The following PRKCE variants were observed in gnomAD, a reference collection of about 807,000 sequenced individuals.
PRKCE encodes protein kinase C epsilon type.
A neutral mutation model predicts 85.4 loss-of-function variants in PRKCE; 16 were observed. The ratio of observed to expected loss-of-function variants is 0.19; its 90% CI spans 0.13 to 0.28. PRKCE has a LOEUF of 0.28. PRKCE is among the 10% of genes least tolerant of loss of function. The pLI is 1.00. For synonymous variants in PRKCE, 388 were observed against 371.5 expected (o/e 1.04, Z -0.51); for missense variants, 573 against 975.2 (o/e 0.59, Z 5.49).
chr2:45,943,719 C>T (rs542278641), intron 2 of PRKCE, among the ~76,000 whole-genome samples: 7 of 152,320 alleles, frequency 4.6e-5, no homozygotes, highest in Non-Finnish European at 1.0e-4. Context: ...CTAAGTTACA[C>T]GTCTTAGCAG....
At chr2:46,080,736 G>A (rs1668992420) in intron 10 of PRKCE, among the ~76,000 whole-genome samples, 1 of 152,144 alleles carries the variant, frequency 6.6e-6, no homozygotes. Context: ...GGATTGCTAG[G>A]AAGAATAAGT....
At chr2:45,975,421 G>A (rs1702381816) in intron 2 of PRKCE, among the ~76,000 whole-genome samples, 1 of 151,884 alleles carries the variant, frequency 6.6e-6, no homozygotes, top group South Asian at 2.1e-4. Context: ...AGTATGGGTG[G>A]GATCTGCTGA....
At chr2:45,897,040 C>T (rs1329257631) in intron 2 of PRKCE, among the ~76,000 whole-genome samples, 1 of 152,098 alleles carries the variant, frequency 6.6e-6, no homozygotes, top group South Asian at 2.1e-4. Context: ...AGTGTGCCAC[C>T]ACACTCCAGC....
chr2:45,830,278 A>G (rs1019860375), intron 1 of PRKCE, among the ~76,000 whole-genome samples: 6 of 132,682 alleles, frequency 4.5e-5, no homozygotes, highest in African/African-American at 1.9e-4. Context: ...TGCTGCATTC[A>G]TAAACAAAAA....
intron 6 of PRKCE, among the ~76,000 whole-genome samples, chr2:45,991,964 A>C (rs1190369573): frequency 6.6e-6 from 1 of 152,218 alleles, no homozygotes; most frequent in African/African-American, 2.4e-5. Flanking sequence ...TAGAGTTAGA[A>C]TAACTGAAAA....
chr2:45,686,418 G>A (rs1211244639), intron 1 of PRKCE: 4 of 152,050 alleles, frequency 2.6e-5, no homozygotes, highest in African/African-American at 9.7e-5. Flanking sequence ...TGATGCACTT[G>A]GACAAAAGAG....
intron 11 of PRKCE, among the ~76,000 whole-genome samples, chr2:46,096,369 G>A (rs1670679678): frequency 6.6e-6 from 1 of 152,214 alleles, no homozygotes; most frequent in Non-Finnish European, 1.5e-5. Flanking sequence ...TCTGGAGTCA[G>A]AAAGTGAATG....
chr2:45,865,076 A>G (rs1055346516), intron 2 of PRKCE, among the ~76,000 whole-genome samples: 1 of 152,230 alleles, frequency 6.6e-6, no homozygotes, highest in Non-Finnish European at 1.5e-5. Context: ...TATTGTCCAT[A>G]TAAGTTACCT....
At chr2:45,700,704 C>G (rs966803097) in intron 1 of PRKCE, 2 of 152,150 alleles carry the variant, frequency 1.3e-5, no homozygotes, top group Admixed American at 1.3e-4. Flanking sequence ...TCTTAATCCC[C>G]CCGTACTTCA....
chr2:45,912,110 A>G (rs1697423483), intron 2 of PRKCE, among the ~76,000 whole-genome samples: 1 of 152,066 alleles, frequency 6.6e-6, no homozygotes, highest in South Asian at 2.1e-4. Context: ...AGTCATAGCT[A>G]CGCCCCTCTC....
intron 1 of PRKCE, among the ~76,000 whole-genome samples, chr2:45,741,644 G>A (rs1246875197): frequency 2.9e-5 from 4 of 136,454 alleles, no homozygotes; most frequent in African/African-American, 1.5e-4. Flanking sequence ...TTGGGCATGT[G>A]CAAGTTTTGG....
chr2:45,923,732 A>G (rs1337634513), intron 2 of PRKCE, among the ~76,000 whole-genome samples: 2 of 152,164 alleles, frequency 1.3e-5, no homozygotes, highest in Non-Finnish European at 2.9e-5. Flanking sequence ...ACCATCCCTC[A>G]AGTTCAGGGG....
intron 2 of PRKCE, among the ~76,000 whole-genome samples, chr2:45,873,752 C>T (rs1020799248): frequency 1.5e-4 from 23 of 152,214 alleles, no homozygotes; most frequent in Admixed American, 1.3e-3. Flanking sequence ...GCCTCAGTGT[C>T]GGTGTGTTCC....
chr2:45,845,838 G>A, intron 2 of PRKCE: 1 of 152,178 alleles, frequency 6.6e-6, no homozygotes. Context: ...CAGATGTAAG[G>A]GGGTCAGGCT....
intron 1 of PRKCE, among the ~76,000 whole-genome samples, chr2:45,655,577 A>G (rs1352959188): frequency 6.6e-6 from 1 of 152,162 alleles, no homozygotes; most frequent in Non-Finnish European, 1.5e-5. Flanking sequence ...TGCAATCCCA[A>G]CTACTTGGGA....
At chr2:45,788,181 G>T (rs1686762197) in intron 1 of PRKCE, among the ~76,000 whole-genome samples, 1 of 152,122 alleles carries the variant, frequency 6.6e-6, no homozygotes, top group South Asian at 2.1e-4. Flanking sequence ...GGTTGTTCTG[G>T]GTGACTGCAA....
intron 10 of PRKCE, among the ~76,000 whole-genome samples, chr2:46,027,651 A>G (rs1283561821): frequency 6.6e-6 from 1 of 152,210 alleles, no homozygotes; most frequent in East Asian, 1.9e-4. Flanking sequence ...ATGCTCTCCA[A>G]AAATTCGAAC....
At chr2:45,692,122 G>A (rs1305926909) in intron 1 of PRKCE, among the ~76,000 whole-genome samples, 2 of 152,160 alleles carry the variant, frequency 1.3e-5, no homozygotes, top group African/African-American at 2.4e-5. Context: ...TGAGTTTTAA[G>A]GGCTCTATGG....
At chr2:45,879,680 C>T (rs746202915) in intron 2 of PRKCE, among the ~76,000 whole-genome samples, 1 of 152,234 alleles carries the variant, frequency 6.6e-6, no homozygotes, top group African/African-American at 2.4e-5. Context: ...CCTGCTCCCC[C>T]TCCCACGAGG....
Sources: allele counts gnomAD v4.1 joint callset (sites outside exome capture counted in the v4.1 genomes callset), GRCh38; gene constraint gnomAD v4.1.1; transcripts MANE v1.5; gene names NCBI Gene and HGNC (gene_info 2026-07-23, HGNC 2026-07-21).